CUL5: variants seen among roughly 807,000 people sequenced by gnomAD.
The protein encoded by CUL5 is cullin 5.
A neutral mutation model predicts 108.8 loss-of-function variants in CUL5; 26 were observed. The observed-to-expected ratio is 0.24, with a 90% CI of 0.18 to 0.33. The LOEUF (loss-of-function observed/expected upper bound fraction) is 0.33, where lower values mean the gene tolerates loss of function less well. Ranked by LOEUF, CUL5 falls within the 10% of genes least tolerant of loss-of-function variation. The probability of loss-of-function intolerance (pLI) is 1.00; values close to 1 mark genes in which losing one functional copy is unlikely to be tolerated. For missense variants in CUL5, 524 were observed against 909.2 expected (o/e 0.58, Z 5.45); for synonymous variants, 334 against 298.0 (o/e 1.12, Z -1.25).
intron 18 of CUL5, among the ~76,000 whole-genome samples, chr11:108,103,512 G>A (rs1864721473): frequency 1.3e-5 from 2 of 151,934 alleles, no homozygotes; most frequent in South Asian, 2.1e-4. Context: ...TATATAAAGA[G>A]TACTACTTAA....
chr11:108,105,935 C>T lies in CUL5; in HGVS notation c.*1551C>T. The T allele has an allele frequency of 6.6e-6, 1 of 152,056 alleles. No homozygotes were observed. The allele number at this position is 152,056 out of a possible 1,614,324, so 9.4% of individuals were successfully genotyped here. ...CCATCCGAAGAGGCTTTGTGAACTG[C>T]CTGCTGAATGGAAGGAAAGCAACTT... On this transcript the variant is annotated 3_prime_UTR_variant, in exon 19 of 19. Coordinates refer to ENST00000393094, the MANE Select transcript of CUL5 (RefSeq NM_003478.6).
intron 1 of CUL5, among the ~76,000 whole-genome samples, chr11:108,019,634 G>C (rs939384844): frequency 5.9e-5 from 9 of 152,124 alleles, no homozygotes; most frequent in South Asian, 4.1e-4. Flanking sequence ...CGATGCTGGT[G>C]TACATAAAAC....
At chr11:108,097,508 G>A (rs1347504281) in intron 16 of CUL5, 128 bp from the exon 17 acceptor site, 4 of 589,704 alleles carry the variant, frequency 6.8e-6, no homozygotes, top group East Asian at 5.4e-5. Context: ...TTATATTCAT[G>A]GAAGTACCAC....
intron 4 of CUL5, among the ~76,000 whole-genome samples, chr11:108,050,424 A>G (rs1323548489): frequency 1.3e-5 from 2 of 150,274 alleles, no homozygotes; most frequent in East Asian, 3.9e-4. Context: ...TGGAGTGTGC[A>G]GTGGCGCAGT....
rs867840140 is a variant in CUL5 at position 108,073,303 on chromosome 11, A to T, written c.1006-87A>T. On this transcript the variant is annotated intron_variant, in intron 9 of 18. Transcript: ENST00000393094. ...GAAAAAATATCCCCAGTTTTAAATG[A>T]GTTTTATTAAAATTATGTTTATTTT... 5.2e-5 allele frequency: 33 copies of T among 636,404 alleles called. 1 individual carries two copies. The Admixed American group carries it at 5.4e-4, about 10-fold the overall frequency. The allele number at this position is 636,404 out of a possible 1,614,324, so 39.4% of individuals were successfully genotyped here.
At chr11:108,024,853 A>G (rs1183784095) in intron 1 of CUL5, among the ~76,000 whole-genome samples, 2 of 152,174 alleles carry the variant, frequency 1.3e-5, no homozygotes, top group Admixed American at 1.3e-4. Flanking sequence ...AATTTTTGCT[A>G]AATTCCATCC....
rs186304052 is a variant in CUL5, at chr11:108,078,178, G to A, written c.1116G>A (p.Ala372=). ...DPRFLTARDK[A]YKAVVNDATI... ...TTATTCCAAATTATTTTTTGCAGGCGTATAAAGCAGTTGTTAATGATGCTA... is the reference window on the plus strand; with the variant it reads ...TTATTCCAAATTATTTTTTGCAGGCATATAAAGCAGTTGTTAATGATGCTA... The change falls in exon 11 of 19, where the codon GCG becomes GCA. Residue 372 remains alanine, a splice_region_variant and synonymous_variant. Coordinates refer to ENST00000393094, the MANE Select transcript of CUL5 (RefSeq NM_003478.6). The A allele has an allele frequency of 3.9e-4, 602 of 1,537,160 alleles. 6 individuals carry two copies. The East Asian group carries it at 0.011, about 29-fold the overall frequency.
chr11:108,091,695 TCACACACACACACACACACACACACA>T (rs71303233), intron 13 of CUL5, among the ~76,000 whole-genome samples: 2 of 138,098 alleles, frequency 1.4e-5, no homozygotes, highest in African/African-American at 2.8e-5. Flanking sequence ...TCTCTCTCAC[TCACACACACACACACACACACACACA>T]CACACACACA....
intron 16 of CUL5, among the ~76,000 whole-genome samples, chr11:108,096,035 G>A (rs989343339): frequency 3.3e-5 from 5 of 150,980 alleles, no homozygotes; most frequent in African/African-American, 1.2e-4. Context: ...GGTAGAGGTT[G>A]CAGTGAGCCA....
intron 1 of CUL5, among the ~76,000 whole-genome samples, chr11:108,033,440 C>T (rs1316866060): frequency 6.6e-6 from 1 of 152,028 alleles, no homozygotes; most frequent in Admixed American, 6.6e-5. Context: ...GTGGACAGTC[C>T]CCTCCCTGAA....
At chr11:108,059,892 A>T (rs1257676527) in intron 7 of CUL5, among the ~76,000 whole-genome samples, 5 of 152,106 alleles carry the variant, frequency 3.3e-5, no homozygotes, top group African/African-American at 1.2e-4. Flanking sequence ...TAAAAAAAAA[A>T]AAAAAATTGA....
intron 2 of CUL5, among the ~76,000 whole-genome samples, chr11:108,042,833 G>T (rs966744546): frequency 1.3e-5 from 2 of 151,906 alleles, no homozygotes; most frequent in South Asian, 4.2e-4. Flanking sequence ...TGCAGTCTTC[G>T]CTCACTGCAA....
chr11:108,048,543 G>A (rs1863122714), intron 3 of CUL5, among the ~76,000 whole-genome samples: 1 of 151,852 alleles, frequency 6.6e-6, no homozygotes, highest in African/African-American at 2.4e-5. Flanking sequence ...CCTATTCATG[G>A]ATAGACTGAG....
intron 1 of CUL5, among the ~76,000 whole-genome samples, chr11:108,025,012 A>T (rs1862421314): frequency 6.6e-6 from 1 of 152,156 alleles, no homozygotes; most frequent in African/African-American, 2.4e-5. Flanking sequence ...TTAATGTCTT[A>T]TATCTGTGGT....
At chr11:108,042,854 C>T (rs1862965682) in intron 2 of CUL5, among the ~76,000 whole-genome samples, 1 of 152,010 alleles carries the variant, frequency 6.6e-6, no homozygotes, top group Admixed American at 6.6e-5. Flanking sequence ...CCTCCGCTTC[C>T]AGGGTTCAAG....
At chr11:108,039,964 T>A (rs1262256258) in intron 2 of CUL5, among the ~76,000 whole-genome samples, 1 of 152,208 alleles carries the variant, frequency 6.6e-6, no homozygotes, top group African/African-American at 2.4e-5. Context: ...AAAATACATA[T>A]CATTTTATCA....
At chr11:108,047,738 A>G (rs1286090427) in intron 3 of CUL5, among the ~76,000 whole-genome samples, 3 of 152,194 alleles carry the variant, frequency 2.0e-5, no homozygotes, top group African/African-American at 7.2e-5. Flanking sequence ...ATTTAAAACT[A>G]TTTTCTTAGA....
chr11:108,068,261 G>A (rs553977079), intron 7 of CUL5, among the ~76,000 whole-genome samples: 1 of 152,214 alleles, frequency 6.6e-6, no homozygotes, highest in Non-Finnish European at 1.5e-5. Context: ...ATGGATATAT[G>A]CATTTAAAAG....
intron 1 of CUL5, among the ~76,000 whole-genome samples, chr11:108,025,408 T>C (rs1378308254): frequency 1.3e-5 from 2 of 152,224 alleles, no homozygotes; most frequent in African/African-American, 4.8e-5. Flanking sequence ...TTTCTCTAAA[T>C]AGTTTTGGAT....
Sources: allele counts gnomAD v4.1 joint callset (sites outside exome capture counted in the v4.1 genomes callset), GRCh38; gene constraint gnomAD v4.1.1; transcripts MANE v1.5; gene names NCBI Gene and HGNC (gene_info 2026-07-23, HGNC 2026-07-21).